Variants in ERMARD observed in about 807,000 individuals in gnomAD.
ERMARD encodes ER membrane associated RNA degradation, also known as endoplasmic reticulum membrane-associated RNA degradation protein.
A neutral mutation model predicts 83.9 loss-of-function variants in ERMARD; 71 were observed. The observed-to-expected ratio is 0.85, with a 90% CI of 0.70 to 1.03. ERMARD has a LOEUF of 1.03. Among genes scored for constraint, ERMARD ranks in the 50% least tolerant of loss-of-function variants. The probability of loss-of-function intolerance (pLI) is 0.00; values close to 1 mark genes in which losing one functional copy is unlikely to be tolerated. For missense variants in ERMARD, 838 were observed against 810.9 expected (o/e 1.03, Z -0.41); for synonymous variants, 284 against 298.6 (o/e 0.95, Z 0.50).
At chr6:169,766,320 G>A (rs1024062997) in intron 9 of ERMARD, among the ~76,000 whole-genome samples, 12 of 152,364 alleles carry the variant, frequency 7.9e-5, no homozygotes, top group Non-Finnish European at 1.5e-4. Flanking sequence ...CCAGTCGTCA[G>A]GAGAAGTATT....
chr6:169,757,588 A>G lies in ERMARD; in HGVS notation c.507+780A>G, dbSNP rs568331390. Among the ~76,000 whole-genome samples, 63 of 152,342 alleles carry G rather than the reference A, an allele frequency of 4.1e-4. 1 individual carries two copies. The highest frequency in any genetic ancestry group is 6.8e-3 in the Middle Eastern group (2 of 294). On this transcript the variant is annotated intron_variant, in intron 5 of 17. Coordinates refer to ENST00000366773, the MANE Select transcript of ERMARD (RefSeq NM_018341.3). The stretch of plus-strand genomic sequence containing the variant: ...AATCATGCAGTTACTATACTATATT[A>G]AAATCTCATAAAGGGCACATGATCA...
Position 169,766,655 on chromosome 6 carries a change from C to A in ERMARD, c.978C>A (p.Thr326=). 6.4e-7 allele frequency: 1 copy of A among 1,571,662 alleles called. No homozygotes were observed. The highest frequency in any genetic ancestry group is 1.2e-5 in the South Asian group (1 of 82,810). ...TTCTGAAGTCAACAGCTCTTTATACCACCTTTGATCAAGTAAGTAAGTAAA... is the reference window on the plus strand; with the variant it reads ...TTCTGAAGTCAACAGCTCTTTATACAACCTTTGATCAAGTAAGTAAGTAAA... ...LLTAESTALY[T]TFDQILAKHL... The change falls in exon 10 of 18, where the codon ACC becomes ACA. Residue 326 remains threonine, a synonymous_variant. Transcript: ENST00000366773.
intron 1 of ERMARD, among the ~76,000 whole-genome samples, chr6:169,752,542 G>A (rs1315621683): frequency 1.3e-5 from 2 of 152,158 alleles, no homozygotes; most frequent in African/African-American, 4.8e-5. Flanking sequence ...TTAATTGTTA[G>A]GGCCTGCTGG....
intron 9 of ERMARD, among the ~76,000 whole-genome samples, 159 bp from the exon 10 acceptor site, chr6:169,766,479 A>G (rs1792222003): frequency 6.6e-6 from 1 of 152,036 alleles, no homozygotes; most frequent in African/African-American, 2.4e-5. Flanking sequence ...TTATTTTGTC[A>G]GTGACATTCC....
chr6:169,755,711 T>C (rs1563008901), intron 3 of ERMARD: 2 of 330,416 alleles, frequency 6.1e-6, no homozygotes, highest in East Asian at 1.2e-4. Context: ...AAAAATTTAC[T>C]ACTCCAGAAT....
chr6:169,778,477 TCTTCA>T lies in ERMARD; in HGVS notation c.1740-701_1740-697del, dbSNP rs1793842223. Among the ~76,000 whole-genome samples, 5 of 152,330 alleles carry T rather than the reference TCTTCA, an allele frequency of 3.3e-5. No homozygotes were observed. In the South Asian group the frequency reaches 1.0e-3, roughly 32 times the overall value. On this transcript the variant is annotated intron_variant, in intron 16 of 17. Coordinates refer to ENST00000366773, the MANE Select transcript of ERMARD (RefSeq NM_018341.3). ...ACAGCAGATTAACAGCATTATGGTT[TCTTCA>T]CTTATAGAGTATATTTTAGAATGTG...
rs568524437 is a variant in ERMARD at position 169,766,087 on chromosome 6, T to C, written c.961-551T>C. Among the ~76,000 whole-genome samples, 3 of 152,336 alleles carry C rather than the reference T, an allele frequency of 2.0e-5. No homozygotes were observed. In the South Asian group the frequency reaches 6.2e-4, roughly 32 times the overall value. ...CAAAAGCCTTTTGAGATAGGCATTC[T>C]TAACTTCTCCTTTTGCAGAGAAAAC... On this transcript the variant is annotated intron_variant, in intron 9 of 17. Transcript: ENST00000366773.
At chr6:169,769,231 T>C (rs1227386241) in intron 11 of ERMARD, among the ~76,000 whole-genome samples, 1 of 152,230 alleles carries the variant, frequency 6.6e-6, no homozygotes, top group Admixed American at 6.5e-5. Flanking sequence ...CCGTGATTTC[T>C]TTTATTGCCT....
At chr6:169,759,806 T>A (rs753215422) in intron 6 of ERMARD, 32 bp from the exon 7 acceptor site, 2 of 1,586,662 alleles carry the variant, frequency 1.3e-6, no homozygotes, top group Non-Finnish European at 1.7e-6. Context: ...ATTGAGTACA[T>A]TTTTGTAACA....
At chr6:169,756,637 C>G (rs1790851961) in intron 4 of ERMARD, 82 bp from the exon 5 acceptor site, 2 of 1,255,126 alleles carry the variant, frequency 1.6e-6, no homozygotes, top group Non-Finnish European at 2.3e-6. Flanking sequence ...TTCATTTGTA[C>G]AAACAGTTGC....
Position 169,762,419 on chromosome 6 carries a change from A to G in ERMARD, c.858-10A>G. On this transcript the variant is annotated splice_polypyrimidine_tract_variant and intron_variant, in intron 8 of 17. Coordinates refer to ENST00000366773, the MANE Select transcript of ERMARD (RefSeq NM_018341.3). ...GTGGAGTTTTACCTCTTTTCCCTTCAATTTCATAGGTTTGCTGACTGCGCC... is the reference window on the plus strand; with the variant it reads ...GTGGAGTTTTACCTCTTTTCCCTTCGATTTCATAGGTTTGCTGACTGCGCC... 3 of 1,609,680 alleles carry G rather than the reference A, an allele frequency of 1.9e-6. No homozygotes were observed. The highest frequency in any genetic ancestry group is 2.5e-6 in the Non-Finnish European group (3 of 1,177,810).
At position 169,756,812 on chromosome 6, in the gene ERMARD, A is replaced by C. The variant is rs1447546721; in HGVS notation, c.507+4A>C. 5 of 1,613,506 alleles carry C rather than the reference A, an allele frequency of 3.1e-6. No individual in the cohort carries two copies. The highest frequency in any genetic ancestry group is 4.2e-6 in the Non-Finnish European group (5 of 1,179,720). On this transcript the variant is annotated splice_donor_region_variant and intron_variant, in intron 5 of 17. Transcript: ENST00000366773. ...TCAAGTCTTCAGTCAGTCTGTGGTA[A>C]GCTTGTTCATCTAAACTCATGGAGT...
chr6:169,768,739 C>G (rs542846956), intron 11 of ERMARD, among the ~76,000 whole-genome samples: 5 of 152,272 alleles, frequency 3.3e-5, no homozygotes, highest in Admixed American at 1.3e-4. Context: ...GCACTCCAGC[C>G]TGGGCAACAG....
intron 3 of ERMARD, chr6:169,755,708 T>A (rs1257553236): frequency 2.9e-6 from 1 of 341,930 alleles, no homozygotes; most frequent in African/African-American, 2.1e-5. Context: ...AGGAAAAATT[T>A]ACTACTCCAG....
chr6:169,756,550 A>G, intron 4 of ERMARD, 111 bp downstream of exon 4: 1 of 1,000,598 alleles, frequency 1.0e-6, no homozygotes, highest in South Asian at 1.6e-5. Context: ...AGATAAAATC[A>G]TTTAGTATGA....
At position 169,781,413 on chromosome 6, in the gene ERMARD, A is replaced by G. The variant is rs1475216871; in HGVS notation, c.1937A>G (p.Asn646Ser). The G allele has an allele frequency of 1.3e-5, 21 of 1,613,542 alleles. No homozygotes were observed. The highest frequency in any genetic ancestry group is 1.7e-5 in the Non-Finnish European group (20 of 1,179,914). ...AAGAACAAGTGGAATGAAACTATCA[A>G]TCTTACACATACAGCTTTGTTGAAA... is the stretch of plus-strand genomic sequence containing the variant. The part of the protein sequence containing the change: ...YEKNKWNETI[N>S]LTHTALLKMW... Residue 646 changes from asparagine to serine, a missense_variant, in exon 18 of 18, where the codon AAT becomes AGT. Asn to Ser is a conservative substitution (Grantham distance 46). Transcript: ENST00000366773.
chr6:169,758,866 G>A, intron 5 of ERMARD, 102 bp from the exon 6 acceptor site: 1 of 1,061,550 alleles, frequency 9.4e-7, no homozygotes, highest in Non-Finnish European at 1.4e-6. Flanking sequence ...AGCCAAAACT[G>A]TTGACTCTCA....
intron 2 of ERMARD, 127 bp from the exon 3 acceptor site, chr6:169,755,156 A>G: frequency 9.2e-7 from 1 of 1,091,932 alleles, no homozygotes; most frequent in South Asian, 1.6e-5. Flanking sequence ...CATATGTTCA[A>G]TGGTAAGCTA....
rs750048908 is a variant in ERMARD, at chr6:169,759,021, C to T, written c.561C>T (p.Asn187=). ...VGSPCGLNLR[N]VLWHGFASPE... ...CTCCGTGTGGTCTCAACCTGCGTAACGTCTTATGGCATGGGTTTGCGTCAC... is the reference window on the plus strand; with the variant it reads ...CTCCGTGTGGTCTCAACCTGCGTAATGTCTTATGGCATGGGTTTGCGTCAC... Residue 187 remains asparagine, a synonymous_variant, in exon 6 of 18, where the codon AAC becomes AAT. Transcript: ENST00000366773. 16 of 1,613,934 alleles carry T rather than the reference C, an allele frequency of 9.9e-6. No individual in the cohort carries two copies. Among genetic ancestry groups the T allele is most frequent in the Admixed American group, 5.0e-5 (3 of 59,972 alleles).
Sources: gnomAD v4.1 joint callset for allele counts (sites outside exome capture counted in the v4.1 genomes callset) on GRCh38, gnomAD v4.1.1 for gene constraint, MANE v1.5 for transcripts, NCBI Gene and HGNC (gene_info 2026-07-23, HGNC 2026-07-21) for gene names.